Variants in PSD3 observed in about 807,000 individuals in gnomAD.
PSD3 encodes the protein PH and SEC7 domain-containing protein 3.
In PSD3, 49 loss-of-function variants were observed where a neutral mutation model predicts 105.5. The observed-to-expected ratio is 0.46, with a 90% CI of 0.37 to 0.59. PSD3 has a LOEUF of 0.59. Among genes scored for constraint, PSD3 ranks in the 20% least tolerant of loss-of-function variants. The pLI is 0.00. For missense variants in PSD3, 1,561 were observed against 1,263.8 expected (o/e 1.24, Z -3.57); for synonymous variants, 557 against 457.8 (o/e 1.22, Z -2.77).
chr8:18,903,305 G>A (rs992251841), intron 2 of PSD3, among the ~76,000 whole-genome samples: 1 of 152,146 alleles, frequency 6.6e-6, no homozygotes, highest in Non-Finnish European at 1.5e-5. Context: ...GAGTCACCTT[G>A]TGGTAGTGAC....
At chr8:19,049,375 A>G (rs1230601134) in intron 1 of PSD3, among the ~76,000 whole-genome samples, 1 of 152,262 alleles carries the variant, frequency 6.6e-6, no homozygotes, top group African/African-American at 2.4e-5. Context: ...TAAGACCTTC[A>G]TGTGCCTTTA....
intron 15 of PSD3, among the ~76,000 whole-genome samples, chr8:18,554,778 A>G (rs889752622): frequency 2.6e-4 from 40 of 152,168 alleles, no homozygotes; most frequent in African/African-American, 9.7e-4. Context: ...TGTGCCAAGT[A>G]CTGAAACAGA....
chr8:18,595,456 G>GAGAGAGAC (rs1554519265), intron 12 of PSD3, among the ~76,000 whole-genome samples: 10 of 142,578 alleles, frequency 7.0e-5, no homozygotes, highest in Non-Finnish European at 1.6e-4. Flanking sequence ...GAGAGAGACA[G>GAGAGAGAC]AGAGACAGAG....
chr8:19,040,150 C>T (rs1479676630), intron 1 of PSD3, among the ~76,000 whole-genome samples: 2 of 152,156 alleles, frequency 1.3e-5, no homozygotes, highest in African/African-American at 4.8e-5. Flanking sequence ...CTCTCAAGAG[C>T]CAGGACCCTA....
chr8:19,082,951 A>G (rs1829689931), intron 1 of PSD3, among the ~76,000 whole-genome samples: 3 of 152,226 alleles, frequency 2.0e-5, no homozygotes, highest in Admixed American at 2.0e-4. Flanking sequence ...GTGGCTACGC[A>G]GGCCCTTGTT....
intron 9 of PSD3, among the ~76,000 whole-genome samples, chr8:18,724,692 G>C (rs1432151520): frequency 6.6e-6 from 1 of 152,020 alleles, no homozygotes; most frequent in Non-Finnish European, 1.5e-5. Context: ...AGTGTAGAGA[G>C]TTAATGTGGG....
At chr8:18,842,751 G>A (rs887329222) in intron 4 of PSD3, among the ~76,000 whole-genome samples, 8 of 151,820 alleles carry the variant, frequency 5.3e-5, no homozygotes, top group South Asian at 2.1e-4. Flanking sequence ...AAAATTGTAT[G>A]GCTTTACTAG....
chr8:18,686,802 A>C (rs1172593169), intron 9 of PSD3, among the ~76,000 whole-genome samples: 3 of 152,084 alleles, frequency 2.0e-5, no homozygotes, highest in Non-Finnish European at 2.9e-5. Context: ...TCCTTTCTGA[A>C]GCTTTCCCGA....
At chr8:18,840,084 G>T (rs753479817) in intron 4 of PSD3, among the ~76,000 whole-genome samples, 2 of 152,150 alleles carry the variant, frequency 1.3e-5, no homozygotes, top group Non-Finnish European at 2.9e-5. Context: ...GAATCCTAAT[G>T]CTGATCCTGT....
At chr8:18,553,186 T>C (rs1214183979) in intron 15 of PSD3, among the ~76,000 whole-genome samples, 3 of 152,226 alleles carry the variant, frequency 2.0e-5, no homozygotes, top group Non-Finnish European at 4.4e-5. Context: ...ACCAAGGACT[T>C]GTGAAAATGG....
intron 11 of PSD3, among the ~76,000 whole-genome samples, chr8:18,610,904 T>G (rs1805215800): frequency 2.6e-5 from 4 of 152,190 alleles, no homozygotes; most frequent in Admixed American, 1.3e-4. Context: ...TCTCCGCTTT[T>G]GGACAAGTAA....
intron 1 of PSD3, among the ~76,000 whole-genome samples, chr8:18,983,631 CATACGACA>C (rs1052455017): frequency 2.6e-5 from 4 of 152,132 alleles, no homozygotes; most frequent in African/African-American, 9.7e-5. Context: ...GCAGCCAAAA[CATACGACA>C]ATTTTTAAGT....
chr8:18,796,767 TG>T (rs1383279994), intron 8 of PSD3, among the ~76,000 whole-genome samples: 24 of 152,290 alleles, frequency 1.6e-4, no homozygotes, highest in Non-Finnish European at 3.2e-4. Flanking sequence ...GCTGCAGTAT[TG>T]CTATTATGAC....
In PSD3 at chr8:18,993,651, T is replaced by TACACTG. The variant is rs1554562861; in HGVS notation, c.21+19911_21+19912insCAGTGT. Among the ~76,000 whole-genome samples, 667 of 152,136 alleles carry TACACTG rather than the reference T, an allele frequency of 4.4e-3. 6 individuals are homozygous for TACACTG. Among genetic ancestry groups the TACACTG allele is most frequent in the African/African-American group, 0.015 (630 of 41,536 alleles). On this transcript the variant is annotated intron_variant, in intron 1 of 15. Transcript: ENST00000327040. ...TTCAGTTGTATGCTTTAGCTCTCAA[T>TACACTG]AACACTGAAAGTTTGCCTTATACAT...
chr8:18,704,498 C>T (rs1037754723), intron 9 of PSD3, among the ~76,000 whole-genome samples: 10 of 152,122 alleles, frequency 6.6e-5, no homozygotes, highest in African/African-American at 1.9e-4. Context: ...CCACCACACT[C>T]GGCTAATTTT....
chr8:18,719,748 T>C (rs547653884), intron 9 of PSD3, among the ~76,000 whole-genome samples: 1 of 152,340 alleles, frequency 6.6e-6, no homozygotes, highest in South Asian at 2.1e-4. Flanking sequence ...ATTTTATTTT[T>C]AATCTTCAAG....
chr8:18,926,408 T>C (rs1009086922), intron 2 of PSD3, among the ~76,000 whole-genome samples: 9 of 151,954 alleles, frequency 5.9e-5, no homozygotes, highest in South Asian at 2.1e-4. Context: ...ATTATGTATA[T>C]GAAAATATTC....
At chr8:18,599,271 G>A (rs1409449208) in intron 12 of PSD3, among the ~76,000 whole-genome samples, 1 of 152,112 alleles carries the variant, frequency 6.6e-6, no homozygotes, top group South Asian at 2.1e-4. Flanking sequence ...TATATGGGGG[G>A]AAGCTGGAAC....
At chr8:18,822,564 A>C (rs551360291) in intron 4 of PSD3, among the ~76,000 whole-genome samples, 1 of 152,302 alleles carries the variant, frequency 6.6e-6, no homozygotes, top group Admixed American at 6.5e-5. Context: ...TCCTGTGTCA[A>C]ACTGTCCCTC....
Sources: allele counts gnomAD v4.1 joint callset (sites outside exome capture counted in the v4.1 genomes callset), GRCh38; gene constraint gnomAD v4.1.1; transcripts MANE v1.5; gene names NCBI Gene and HGNC (gene_info 2026-07-23, HGNC 2026-07-21).